The following SUFU variants were observed in gnomAD, a reference collection of about 807,000 sequenced individuals.
SUFU encodes SUFU negative regulator of hedgehog signaling, also known as suppressor of fused homolog.
Under a neutral mutation model 58.9 loss-of-function variants are expected in SUFU, and 7 were observed. The ratio of observed to expected loss-of-function variants is 0.12; its 90% CI spans 0.07 to 0.22. The LOEUF (loss-of-function observed/expected upper bound fraction) is 0.22. Among genes scored for constraint, SUFU ranks in the 10% least tolerant of loss-of-function variants. The probability of loss-of-function intolerance (pLI) is 1.00; values close to 1 mark genes in which losing one functional copy is unlikely to be tolerated. For synonymous variants in SUFU, 232 were observed against 254.8 expected (o/e 0.91, Z 0.85); for missense variants, 451 against 641.3 (o/e 0.70, Z 3.20).
chr10:102,598,861 G>A (rs1255341153), intron 7 of SUFU, among the ~76,000 whole-genome samples: 1 of 152,110 alleles, frequency 6.6e-6, no homozygotes, highest in Non-Finnish European at 1.5e-5. Flanking sequence ...TCCCACCAAG[G>A]GAACTCTTTC....
At chr10:102,614,901 T>C (rs1416368803) in intron 8 of SUFU, among the ~76,000 whole-genome samples, 1 of 148,706 alleles carries the variant, frequency 6.7e-6, no homozygotes, top group African/African-American at 2.5e-5. Context: ...AAAAATAGAA[T>C]GTTGGCCAAA....
intron 2 of SUFU, among the ~76,000 whole-genome samples, chr10:102,541,292 A>G (rs1181060338): frequency 1.3e-5 from 2 of 152,096 alleles, no homozygotes; most frequent in African/African-American, 4.8e-5. Context: ...CTTCCCACCT[A>G]CTGTATGTAA....
At chr10:102,515,376 G>C (rs181865988) in intron 2 of SUFU, among the ~76,000 whole-genome samples, 1 of 150,168 alleles carries the variant, frequency 6.7e-6, no homozygotes, top group Non-Finnish European at 1.5e-5. Context: ...GAGTGCAATG[G>C]TGTGATCTCA....
chr10:102,607,908 C>T (rs1195127181), intron 8 of SUFU, among the ~76,000 whole-genome samples: 1 of 148,650 alleles, frequency 6.7e-6, no homozygotes, highest in Admixed American at 6.7e-5. Flanking sequence ...AAGATTCCAT[C>T]TCAAACAAAA....
At chr10:102,507,679 C>G (rs1281686239) in intron 1 of SUFU, among the ~76,000 whole-genome samples, 7 of 152,218 alleles carry the variant, frequency 4.6e-5, no homozygotes, top group Non-Finnish European at 2.9e-5. Flanking sequence ...GAAACAAGAC[C>G]AACTGGTTTT....
At chr10:102,559,861 C>T (rs929173172) in intron 3 of SUFU, among the ~76,000 whole-genome samples, 1 of 152,316 alleles carries the variant, frequency 6.6e-6, no homozygotes. Flanking sequence ...TTAGGAAAAA[C>T]GTATCTCCCC....
At chr10:102,562,146 G>C (rs1230032330) in intron 3 of SUFU, among the ~76,000 whole-genome samples, 3 of 152,196 alleles carry the variant, frequency 2.0e-5, no homozygotes, top group Non-Finnish European at 2.9e-5. Context: ...GCATTGTAGA[G>C]TTTTCTTGGG....
intron 2 of SUFU, among the ~76,000 whole-genome samples, chr10:102,519,487 A>G (rs2062520747): frequency 6.8e-6 from 1 of 146,300 alleles, no homozygotes; most frequent in African/African-American, 2.5e-5. Flanking sequence ...AGATCATGCC[A>G]TTGCACTCCA....
intron 2 of SUFU, 60 bp downstream of exon 2, chr10:102,509,363 G>A: frequency 1.2e-6 from 2 of 1,601,648 alleles, no homozygotes; most frequent in Non-Finnish European, 1.7e-6. Flanking sequence ...TCCTGAGCAG[G>A]GGTGACAATG....
chr10:102,524,466 C>T (rs2062587565), intron 2 of SUFU, among the ~76,000 whole-genome samples: 1 of 151,670 alleles, frequency 6.6e-6, no homozygotes, highest in Non-Finnish European at 1.5e-5. Flanking sequence ...GCTGGGACTA[C>T]AGGCACGTGC....
chr10:102,577,080 C>CTTTTTTTTTTTTTTTT lies in SUFU; in HGVS notation c.455-15498_455-15497insTTTTTTTTTTTTTTTT, dbSNP rs10656431. Reference sequence around the variant, plus strand: ...AGTAGAAGCATGTCCTGGATTTTTTCTTTTCTTTTTTTTTTTTTTTTGAGA... The same window carrying CTTTTTTTTTTTTTTTT: ...AGTAGAAGCATGTCCTGGATTTTTTCTTTTTTTTTTTTTTTTTTTTCTTTTTTTTTTTTTTTTGAGA... On this transcript the variant is annotated intron_variant, in intron 3 of 11. Coordinates refer to ENST00000369902, the MANE Select transcript of SUFU (RefSeq NM_016169.4). Among the ~76,000 whole-genome samples, 4 of 97,086 alleles carry CTTTTTTTTTTTTTTTT rather than the reference C, an allele frequency of 4.1e-5. 2 individuals carry two copies. The highest frequency in any genetic ancestry group is 4.4e-5 in the Non-Finnish European group (2 of 45,262). The allele number at this position is 97,086 out of a possible 152,430, so 63.7% of individuals were successfully genotyped here.
intron 10 of SUFU, among the ~76,000 whole-genome samples, chr10:102,622,301 C>T (rs1280825834): frequency 6.6e-6 from 1 of 152,198 alleles, no homozygotes; most frequent in Non-Finnish European, 1.5e-5. Context: ...TCTCCTGGGG[C>T]ACCACTTAAG....
chr10:102,586,044 C>T (rs1487580803), intron 3 of SUFU, among the ~76,000 whole-genome samples: 1 of 151,904 alleles, frequency 6.6e-6, no homozygotes, highest in African/African-American at 2.4e-5. Flanking sequence ...GCCACCACAC[C>T]TGGCTAATAT....
chr10:102,504,507 A>G (rs2062297677), intron 1 of SUFU, among the ~76,000 whole-genome samples, 173 bp downstream of exon 1: 1 of 151,926 alleles, frequency 6.6e-6, no homozygotes, highest in African/African-American at 2.4e-5. Context: ...GAATGGGGAC[A>G]AAGGGGTTAA....
At chr10:102,613,955 G>A (rs2063653621) in intron 8 of SUFU, among the ~76,000 whole-genome samples, 1 of 152,240 alleles carries the variant, frequency 6.6e-6, no homozygotes, top group Admixed American at 6.5e-5. Flanking sequence ...GCCCAGCAGG[G>A]CGGGGGCCCG....
intron 3 of SUFU, chr10:102,573,279 A>C (rs1590043621): frequency 2.4e-5 from 15 of 626,080 alleles, no homozygotes; most frequent in African/African-American, 1.8e-5. Context: ...CTTTGGCCTC[A>C]CAGCCGTTAG....
rs370938714 is a variant in SUFU at position 102,593,960 on chromosome 10, A to G, written c.684-33A>G. 56 of 1,613,364 alleles carry G rather than the reference A, an allele frequency of 3.5e-5. No homozygotes were observed. The highest frequency in any genetic ancestry group is 2.7e-4 in the East Asian group (12 of 44,874). ...CCCAGCCCATCAGCCCCAGACCCTC[A>G]GTTACCATTGTATCCCCTTTCCTTG... is the stretch of plus-strand genomic sequence containing the variant. On this transcript the variant is annotated intron_variant, in intron 5 of 11. Coordinates refer to ENST00000369902, the MANE Select transcript of SUFU (RefSeq NM_016169.4).
Position 102,593,741 on chromosome 10 carries a change from G to A in SUFU, c.683+20G>A. The A allele has an allele frequency of 6.2e-7, 1 of 1,613,054 alleles. No homozygotes were observed. Among genetic ancestry groups the A allele is most frequent in the Non-Finnish European group, 8.5e-7 (1 of 1,179,162 alleles). On this transcript the variant is annotated intron_variant, in intron 5 of 11. Transcript: ENST00000369902. ...GCCTATGTGAGTACCCATGCAAGGT[G>A]GGAGCGCGGCTCCCTGGGCCTGGGG...
intron 2 of SUFU, among the ~76,000 whole-genome samples, chr10:102,512,689 T>C (rs2062415523): frequency 1.3e-5 from 2 of 152,236 alleles, no homozygotes; most frequent in Admixed American, 1.3e-4. Context: ...TATTTTCCAG[T>C]ATTACATCCT....
Sources: gnomAD v4.1 joint callset for allele counts (sites outside exome capture counted in the v4.1 genomes callset) on GRCh38, gnomAD v4.1.1 for gene constraint, MANE v1.5 for transcripts, NCBI Gene and HGNC (gene_info 2026-07-23, HGNC 2026-07-21) for gene names.